LYST: variants seen among roughly 807,000 people sequenced by gnomAD.
LYST encodes the protein lysosomal-trafficking regulator.
A neutral mutation model predicts 413.6 loss-of-function variants in LYST; 192 were observed. The ratio of observed to expected loss-of-function variants is 0.46; its 90% CI spans 0.41 to 0.52. The LOEUF (loss-of-function observed/expected upper bound fraction) is 0.52, where lower values mean the gene tolerates loss of function less well. Ranked by LOEUF, LYST falls within the 20% of genes least tolerant of loss-of-function variation. The probability of loss-of-function intolerance (pLI) is 0.00; values close to 1 mark genes in which losing one functional copy is unlikely to be tolerated. For missense variants in LYST, 3,815 were observed against 4,499.9 expected (o/e 0.85, Z 4.35); for synonymous variants, 1,525 against 1,567.3 (o/e 0.97, Z 0.64).
chr1:235,668,517 G>A (rs1052623504), intron 50 of LYST, among the ~76,000 whole-genome samples: 3 of 152,112 alleles, frequency 2.0e-5, no homozygotes, highest in Admixed American at 6.5e-5. Flanking sequence ...ATTATATTGT[G>A]TGCTACCCAG....
chr1:235,783,038 C>T (rs756397723), intron 14 of LYST, among the ~76,000 whole-genome samples: 2 of 151,710 alleles, frequency 1.3e-5, no homozygotes, highest in African/African-American at 2.4e-5. Flanking sequence ...GGGAGGACTT[C>T]ATCAACTAGT....
At position 235,724,043 on chromosome 1, in the gene LYST, T is replaced by C; in HGVS notation, c.9300A>G (p.Ala3100=). 4 of 1,613,860 alleles carry C rather than the reference T, an allele frequency of 2.5e-6. No individual in the cohort carries two copies. Among genetic ancestry groups the C allele is most frequent in the Non-Finnish European group, 3.4e-6 (4 of 1,179,782 alleles). Residue 3100 remains alanine, a synonymous_variant, in exon 39 of 53, where the codon GCA becomes GCG. Coordinates refer to ENST00000389793, the MANE Select transcript of LYST (RefSeq NM_000081.4). ...GTGAATTTACCTTGGTGTTATCAAA[T>C]GCCAACAGGAGTGTTCTGCCATTTG... ...FLTNGRTLLL[A]FDNTKVRDDV...
chr1:235,801,667 TTTAAG>T (rs1447001312), intron 8 of LYST, among the ~76,000 whole-genome samples: 2 of 152,212 alleles, frequency 1.3e-5, no homozygotes, highest in African/African-American at 2.4e-5. Context: ...ATCAGAATTC[TTTAAG>T]TTGAGATCTA....
At chr1:235,734,375 C>T (rs1230320125) in intron 32 of LYST, 108 bp downstream of exon 32, 14 of 901,872 alleles carry the variant, frequency 1.6e-5, no homozygotes, top group Non-Finnish European at 5.5e-6. Flanking sequence ...ATAAAATAAT[C>T]ATTTCAAGTT....
At chr1:235,724,396 T>TAGGTTTACA (rs1402956391) in intron 38 of LYST, among the ~76,000 whole-genome samples, 1 of 152,210 alleles carries the variant, frequency 6.6e-6, no homozygotes, top group East Asian at 1.9e-4. Context: ...AGACTAGTTT[T>TAGGTTTACA]AGGTTTACAG....
intron 43 of LYST, among the ~76,000 whole-genome samples, chr1:235,710,026 T>A (rs1662290034): frequency 6.6e-6 from 1 of 152,198 alleles, no homozygotes; most frequent in Non-Finnish European, 1.5e-5. Context: ...AAATGTTACC[T>A]TTAAACAGAA....
At chr1:235,739,810 C>T (rs1665181291) in intron 31 of LYST, among the ~76,000 whole-genome samples, 1 of 152,108 alleles carries the variant, frequency 6.6e-6, no homozygotes, top group Admixed American at 6.5e-5. Flanking sequence ...AGATAATATC[C>T]TCAGTCTTCG....
At chr1:235,666,407 G>A (rs1280609230) in intron 50 of LYST, among the ~76,000 whole-genome samples, 1 of 152,006 alleles carries the variant, frequency 6.6e-6, no homozygotes, top group Non-Finnish European at 1.5e-5. Context: ...TCTACAATGG[G>A]CAAATTCAGA....
chr1:235,664,155 T>A lies in LYST; in HGVS notation c.11196-100A>T. ...TTGTTAAAAATCATGTGGAAGGAAA[T>A]GTAACAAACAATTAACAGTAGTTCC... On this transcript the variant is annotated intron_variant, in intron 51 of 52. Coordinates refer to ENST00000389793, the MANE Select transcript of LYST (RefSeq NM_000081.4). This position sits in a 1 kb window ranked among gnomAD's most constrained non-coding sequence, Gnocchi z 4.5. 8.5e-6 allele frequency: 8 copies of A among 943,218 alleles called. No individual in the cohort carries two copies. Among genetic ancestry groups the A allele is most frequent in the Non-Finnish European group, 1.4e-5 (8 of 576,848 alleles). The allele number at this position is 943,218 out of a possible 1,614,324, so 58.4% of individuals were successfully genotyped here. A position where few individuals can be genotyped will look rare whatever the true frequency, so the allele number is the denominator to read the frequency against.
chr1:235,780,304 T>C (rs1669712589), intron 16 of LYST, among the ~76,000 whole-genome samples: 1 of 151,414 alleles, frequency 6.6e-6, no homozygotes, highest in African/African-American at 2.4e-5. Context: ...CTTGGGAGGC[T>C]GAGGTGGGAG....
intron 3 of LYST, among the ~76,000 whole-genome samples, chr1:235,816,581 A>G (rs771076972): frequency 1.3e-5 from 2 of 152,160 alleles, no homozygotes; most frequent in South Asian, 4.1e-4. Context: ...TTCATATGGA[A>G]TAAGAAAAGA....
In LYST at chr1:235,753,089, T is replaced by C; in HGVS notation, c.7415A>G (p.Tyr2472Cys). 1.2e-6 allele frequency: 2 copies of C among 1,605,934 alleles called. No individual in the cohort carries two copies. The highest frequency in any genetic ancestry group is 1.7e-6 in the Non-Finnish European group (2 of 1,172,902). ...ADMLLDNGLL[Y>C]VLCNTVAALN... ...GGCTGCTACTGTATTACATAACACA[T>C]AGAGTAGACCATTATCCAGCAACAT... Residue 2472 changes from tyrosine to cysteine, a missense_variant, in exon 26 of 53, where the codon TAT becomes TGT. Tyr to Cys is a radical substitution (Grantham distance 194). Coordinates refer to ENST00000389793, the MANE Select transcript of LYST (RefSeq NM_000081.4).
At chr1:235,708,425 G>A (rs1393696345) in intron 44 of LYST, among the ~76,000 whole-genome samples, 1 of 152,200 alleles carries the variant, frequency 6.6e-6, no homozygotes, top group Non-Finnish European at 1.5e-5. Flanking sequence ...GGAAAGGCCT[G>A]CTTGCAAAGT....
At chr1:235,716,318 T>C (rs1662832187) in intron 41 of LYST, among the ~76,000 whole-genome samples, 1 of 152,244 alleles carries the variant, frequency 6.6e-6, no homozygotes, top group Admixed American at 6.5e-5. Flanking sequence ...AATAAACCAA[T>C]GCATAATTTC....
At position 235,766,104 on chromosome 1, in the gene LYST, C is replaced by T. The variant is rs376038014; in HGVS notation, c.6096G>A (p.Thr2032=). 8.7e-6 allele frequency: 14 copies of T among 1,613,010 alleles called. No homozygotes were observed. In the African/African-American group the frequency reaches 1.2e-4, roughly 14 times the overall value. Residue 2032 remains threonine, a synonymous_variant, in exon 21 of 53, where the codon ACG becomes ACA. Coordinates refer to ENST00000389793, the MANE Select transcript of LYST (RefSeq NM_000081.4). ...PTNTYVCHNP[T]NFYFSLHIDG... is the part of the protein sequence containing the mutation. ...CTATGTGCAAAGAAAAGTAGAAGTT[C>T]GTGGGATTGTGACAAACGTAAGTAT...
intron 24 of LYST, 28 bp from the exon 25 acceptor site, chr1:235,755,675 A>G (rs1300915023): frequency 8.3e-7 from 1 of 1,199,982 alleles, no homozygotes; most frequent in African/African-American, 1.5e-5. Context: ...GTCAATTTAG[A>G]TAATGCATTA....
chr1:235,677,297 A>C (rs1659456078), intron 49 of LYST, 109 bp from the exon 50 acceptor site: 1 of 1,060,190 alleles, frequency 9.4e-7, no homozygotes, highest in Admixed American at 1.8e-5. Context: ...TAAGGCATAC[A>C]TGTTTTCCTA....
At chr1:235,848,555 C>T (rs887924484) in intron 1 of LYST, among the ~76,000 whole-genome samples, 13 of 150,694 alleles carry the variant, frequency 8.6e-5, no homozygotes, top group Admixed American at 7.9e-4. Context: ...TTGAAACAAA[C>T]AAAAAAAATA....
At chr1:235,693,243 G>A (rs1660818810) in intron 47 of LYST, 107 bp downstream of exon 47, 5 of 819,546 alleles carry the variant, frequency 6.1e-6, no homozygotes, top group Admixed American at 2.0e-5. Context: ...CGTGAGCCGG[G>A]AGGTGGAGCT....
Sources: gnomAD v4.1 joint callset for allele counts (sites outside exome capture counted in the v4.1 genomes callset) on GRCh38, gnomAD v4.1.1 for gene constraint, Gnocchi (gnomAD v3.1) non-coding constraint, MANE v1.5 for transcripts, NCBI Gene and HGNC (gene_info 2026-07-23, HGNC 2026-07-21) for gene names.